Variants in ANO10 observed in about 807,000 individuals in gnomAD.
ANO10 encodes anoctamin 10, also known as anoctamin-10.
ANO10 carries 77 observed loss-of-function variants against 74.7 expected under a neutral mutation model. That is an observed-to-expected ratio of 1.03 (90% CI 0.86 to 1.25). The LOEUF is 1.25. Ranked by LOEUF, ANO10 falls within the 50% of genes most tolerant of loss-of-function variation. The pLI, the probability that ANO10 is intolerant of heterozygous loss-of-function variation, is 0.00. For synonymous variants in ANO10, 279 were observed against 284.9 expected (o/e 0.98, Z 0.21); for missense variants, 721 against 778.1 (o/e 0.93, Z 0.87).
At chr3:43,493,248 G>A (rs1257557784) in intron 11 of ANO10, among the ~76,000 whole-genome samples, 2 of 152,162 alleles carry the variant, frequency 1.3e-5, no homozygotes, top group South Asian at 4.2e-4. Context: ...GACACAGGGA[G>A]GGCGACATCA....
At chr3:43,679,328 G>A (rs2084164132) in intron 1 of ANO10, among the ~76,000 whole-genome samples, 1 of 152,208 alleles carries the variant, frequency 6.6e-6, no homozygotes, top group South Asian at 2.1e-4. Flanking sequence ...TACGCCCACG[G>A]AGCCTCGCTG....
intron 12 of ANO10, among the ~76,000 whole-genome samples, chr3:43,421,131 G>A (rs900512099): frequency 1.3e-5 from 2 of 152,198 alleles, no homozygotes; most frequent in African/African-American, 4.8e-5. Context: ...GCTGAGGTGG[G>A]AGAATTGCTT....
intron 11 of ANO10, among the ~76,000 whole-genome samples, chr3:43,472,177 A>G (rs1178618032): frequency 6.6e-6 from 1 of 152,196 alleles, no homozygotes; most frequent in Non-Finnish European, 1.5e-5. Flanking sequence ...TTTATATGAT[A>G]CTCTGAGAAA....
In ANO10 at chr3:43,366,594, C is replaced by T. The variant is rs2091418596; in HGVS notation, c.*312G>A. ...TGAGGGGAACGTGGAGAGCTGGTGG[C>T]TCACTCATGGTGAGAGGCTCAAGGG... On this transcript the variant is annotated 3_prime_UTR_variant, in exon 13 of 13. Transcript: ENST00000292246. 4.3e-6 allele frequency: 2 copies of T among 461,374 alleles called. No individual in the cohort carries two copies. Among genetic ancestry groups the T allele is most frequent in the African/African-American group, 2.0e-5 (1 of 50,496 alleles). The allele number at this position is 461,374 out of a possible 1,614,324, so 28.6% of individuals were successfully genotyped here. A position where few individuals can be genotyped will look rare whatever the true frequency, so the allele number is the denominator to read the frequency against.
In ANO10 at chr3:43,667,072, G is replaced by GTTT. The variant is rs55764466; in HGVS notation, c.-12+24442_-12+24444dup. Reference sequence around the variant, plus strand: ...CCTCATGCATTAAAATACAATGCATGTTTTTTTTTTTTTTTTTTTTTTTTT... The same window carrying GTTT: ...CCTCATGCATTAAAATACAATGCATGTTTTTTTTTTTTTTTTTTTTTTTTTTTT... On this transcript the variant is annotated intron_variant, in intron 1 of 3. Transcript: ENST00000413397. 6.2e-3 allele frequency among the ~76,000 whole-genome samples: 351 copies of GTTT among 56,190 alleles called. 15 individuals are homozygous for GTTT. The highest frequency in any genetic ancestry group is 6.6e-3 in the Non-Finnish European group (212 of 31,980). The allele number at this position is 56,190 out of a possible 152,430, so 36.9% of individuals were successfully genotyped here.
intron 7 of ANO10, 67 bp from the exon 8 acceptor site, chr3:43,565,794 A>C: frequency 6.7e-7 from 1 of 1,491,268 alleles, no homozygotes; most frequent in Non-Finnish European, 9.1e-7. Context: ...CTACAACTGT[A>C]ATGCAGCATT....
At chr3:43,508,419 T>C (rs1462223053) in intron 11 of ANO10, among the ~76,000 whole-genome samples, 1 of 152,180 alleles carries the variant, frequency 6.6e-6, no homozygotes, top group Non-Finnish European at 1.5e-5. Flanking sequence ...AGAAATACCA[T>C]TTGACCCAGC....
chr3:43,647,153 A>ATATGTGTGTG (rs371712281), intron 1 of ANO10, among the ~76,000 whole-genome samples: 5 of 141,790 alleles, frequency 3.5e-5, no homozygotes, highest in Admixed American at 7.2e-5. Context: ...ATGTGTATAT[A>ATATGTGTGTG]TGTGTGTGTG....
intron 11 of ANO10, among the ~76,000 whole-genome samples, chr3:43,483,827 T>C (rs1256450464): frequency 6.6e-6 from 1 of 152,194 alleles, no homozygotes; most frequent in East Asian, 1.9e-4. Flanking sequence ...TTACAGGTCA[T>C]AGGTGGATTC....
intron 12 of ANO10, among the ~76,000 whole-genome samples, chr3:43,415,277 G>C (rs1026060129): frequency 6.6e-6 from 1 of 151,510 alleles, no homozygotes; most frequent in Non-Finnish European, 1.5e-5. Flanking sequence ...GTGCCCGGCT[G>C]TGCCCATTTT....
intron 11 of ANO10, among the ~76,000 whole-genome samples, chr3:43,480,979 A>ATAATTGTATAATAATACAATAAC (rs2076247702): frequency 6.7e-6 from 1 of 150,326 alleles, no homozygotes; most frequent in Non-Finnish European, 1.5e-5. Context: ...TTATTGTATA[A>ATAATTGTATAATAATACAATAAC]TAATTGTATA....
intron 1 of ANO10, among the ~76,000 whole-genome samples, chr3:43,679,952 A>G (rs1458456304): frequency 6.6e-6 from 1 of 152,184 alleles, no homozygotes; most frequent in African/African-American, 2.4e-5. Flanking sequence ...CCATCATCAA[A>G]GACCAAAGGT....
intron 12 of ANO10, among the ~76,000 whole-genome samples, chr3:43,416,019 TAAA>T (rs71616093): frequency 1.3e-4 from 19 of 142,926 alleles, no homozygotes; most frequent in South Asian, 2.2e-4. Context: ...TCCAAGAAGT[TAAA>T]AAAAAAAAAA....
At chr3:43,653,460 C>T (rs759308641) in intron 1 of ANO10, among the ~76,000 whole-genome samples, 20 of 152,264 alleles carry the variant, frequency 1.3e-4, no homozygotes, top group Non-Finnish European at 2.5e-4. Context: ...TTCTTATATG[C>T]TTCTGGTGTG....
chr3:43,591,222 C>T (rs1273825264), intron 4 of ANO10, among the ~76,000 whole-genome samples: 1 of 152,164 alleles, frequency 6.6e-6, no homozygotes, highest in Non-Finnish European at 1.5e-5. Flanking sequence ...GTTGCAGACC[C>T]ACCATTGACT....
At chr3:43,542,221 T>C (rs1348271816) in intron 11 of ANO10, among the ~76,000 whole-genome samples, 2 of 152,036 alleles carry the variant, frequency 1.3e-5, no homozygotes, top group African/African-American at 2.4e-5. Context: ...GGTAAGAACA[T>C]GAACTCAGTG....
chr3:43,581,764 T>A (rs189085251), intron 4 of ANO10, among the ~76,000 whole-genome samples: 137 of 138,354 alleles, frequency 9.9e-4, no homozygotes, highest in African/African-American at 3.1e-3. Flanking sequence ...CTACAAAAAA[T>A]TTAAAAATTA....
chr3:43,381,598 T>C (rs1375342816), intron 12 of ANO10, among the ~76,000 whole-genome samples: 1 of 151,862 alleles, frequency 6.6e-6, no homozygotes, highest in African/African-American at 2.4e-5. Context: ...AGAAATGAAA[T>C]AGACAGCAAC....
intron 12 of ANO10, among the ~76,000 whole-genome samples, chr3:43,381,930 C>T (rs2091970530): frequency 6.6e-6 from 1 of 152,128 alleles, no homozygotes; most frequent in South Asian, 2.1e-4. Context: ...TGAAACCCTG[C>T]AAATACATGG....
Sources: gnomAD v4.1 joint callset for allele counts (sites outside exome capture counted in the v4.1 genomes callset) on GRCh38, gnomAD v4.1.1 for gene constraint, MANE v1.5 for transcripts, NCBI Gene and HGNC (gene_info 2026-07-23, HGNC 2026-07-21) for gene names.